The following ZBTB49 variants were observed in gnomAD, a reference collection of about 807,000 sequenced individuals.
The protein encoded by ZBTB49 is zinc finger and BTB domain-containing protein 49.
A neutral mutation model predicts 57.5 loss-of-function variants in ZBTB49; 43 were observed. The observed-to-expected ratio is 0.75, with a 90% CI of 0.59 to 0.97. The LOEUF (loss-of-function observed/expected upper bound fraction) is 0.97, where lower values mean the gene tolerates loss of function less well. Among genes scored for constraint, ZBTB49 ranks in the 50% least tolerant of loss-of-function variants. The pLI is 0.00. For synonymous variants in ZBTB49, 369 were observed against 362.1 expected, an observed-to-expected ratio of 1.02 and a Z score of -0.22; for missense variants, 938 against 947.7, an observed-to-expected ratio of 0.99 and a Z score of 0.13.
intron 7 of ZBTB49, among the ~76,000 whole-genome samples, chr4:4,317,014 C>T (rs1560116511): frequency 6.6e-6 from 1 of 152,198 alleles, no homozygotes; most frequent in Non-Finnish European, 1.5e-5. Flanking sequence ...TGGGTGACAG[C>T]GAGAGCTTCA....
At chr4:4,306,845 G>T (rs1303848288) in intron 4 of ZBTB49, among the ~76,000 whole-genome samples, 1 of 152,242 alleles carries the variant, frequency 6.6e-6, no homozygotes, top group Non-Finnish European at 1.5e-5. Context: ...TCCAGAGGTA[G>T]ATCAGATGGA....
intron 4 of ZBTB49, among the ~76,000 whole-genome samples, chr4:4,310,244 AC>A (rs763414346): frequency 1.2e-4 from 19 of 152,350 alleles, no homozygotes; most frequent in South Asian, 1.2e-3. Context: ...AAGTTCCTTT[AC>A]TGCTAATATC....
intron 4 of ZBTB49, among the ~76,000 whole-genome samples, chr4:4,310,753 T>C (rs928196487): frequency 1.3e-5 from 2 of 151,668 alleles, no homozygotes; most frequent in African/African-American, 4.8e-5. Context: ...TCTCCTGATC[T>C]CATGATCCAC....
Position 4,302,530 on chromosome 4 carries a change from AG to A in ZBTB49, c.695del (p.Ser232IlefsTer21). On this transcript the variant is annotated frameshift_variant, in exon 3 of 8. Transcript: ENST00000337872. LOFTEE classifies it high-confidence loss of function. ...KQYHKHAAGP[S>X]QERVVEQPFA... is the part of the protein sequence containing the mutation. Reference sequence around the variant, plus strand: ...GTACCATAAACACGCAGCTGGTCCCAGTCAGGAGAGAGTTGTTGAGCAGCCT... The same window carrying A: ...GTACCATAAACACGCAGCTGGTCCCATCAGGAGAGAGTTGTTGAGCAGCCT... 1 of 1,614,078 alleles carries A rather than the reference AG, an allele frequency of 6.2e-7. No individual in the cohort carries two copies. Among genetic ancestry groups the A allele is most frequent in the Non-Finnish European group, 8.5e-7 (1 of 1,179,950 alleles).
intron 7 of ZBTB49, among the ~76,000 whole-genome samples, chr4:4,316,345 G>A (rs1577248405): frequency 6.6e-6 from 1 of 152,166 alleles, no homozygotes; most frequent in South Asian, 2.1e-4. Context: ...TGGGATCAGA[G>A]GGTCGGCTTC....
At position 4,303,760 on chromosome 4, in the gene ZBTB49, C is replaced by CTCTGTGTGTGTG. The variant is rs1223289249; in HGVS notation, c.1255+670_1255+671insCTGTGTGTGTGT. Among the ~76,000 whole-genome samples, 171 of 121,394 alleles carry CTCTGTGTGTGTG rather than the reference C, an allele frequency of 1.4e-3. 1 individual carries two copies. The highest frequency in any genetic ancestry group is 2.9e-3 in the Admixed American group (35 of 12,072). The allele number at this position is 121,394 out of a possible 152,430, so 79.6% of individuals were successfully genotyped here. ...TCTCTCTCTCTCTCTCTCTCTCTCT[C>CTCTGTGTGTGTG]TGTGTGTGTGTCTCTCTCTCTCTCT... On this transcript the variant is annotated intron_variant, in intron 3 of 7. Transcript: ENST00000337872.
chr4:4,317,565 A>G (rs145824564), intron 7 of ZBTB49, among the ~76,000 whole-genome samples: 132 of 152,268 alleles, frequency 8.7e-4, no homozygotes, highest in East Asian at 7.1e-3. Context: ...TTTACTATGC[A>G]TGGACTCATA....
rs184115909 is a variant in ZBTB49 at position 4,306,351 on chromosome 4, C to T, written c.1302+167C>T. Among the ~76,000 whole-genome samples the T allele has an allele frequency of 4.1e-3, 630 of 152,304 alleles. 3 individuals carry two copies. Among genetic ancestry groups the T allele is most frequent in the South Asian group, 0.028 (137 of 4,830 alleles). On this transcript the variant is annotated intron_variant, in intron 4 of 7. Coordinates refer to ENST00000337872, the MANE Select transcript of ZBTB49 (RefSeq NM_145291.4). ...AAATCGTTTTCAAGAAAACAGATTT[C>T]TAGTTCTTTGAGAGAAAAATAGCAT...
At chr4:4,300,247 TTTG>T (rs1218134680) in intron 2 of ZBTB49, 150 bp downstream of exon 2, 12 of 887,570 alleles carry the variant, frequency 1.4e-5, no homozygotes, top group Non-Finnish European at 1.9e-5. Context: ...AATTTTTAAG[TTTG>T]TTAACCATTT....
At chr4:4,300,759 C>T (rs1018135961) in intron 2 of ZBTB49, among the ~76,000 whole-genome samples, 1 of 147,846 alleles carries the variant, frequency 6.8e-6, no homozygotes, top group Non-Finnish European at 1.5e-5. Flanking sequence ...CCAGCCTGAG[C>T]AACAGAGGGA....
rs551295648 is a variant in ZBTB49, at chr4:4,321,149, A to G, written c.2131A>G (p.Met711Val). 3.5e-5 allele frequency: 57 copies of G among 1,614,204 alleles called. No homozygotes were observed. The highest frequency in any genetic ancestry group is 4.3e-5 in the Non-Finnish European group (51 of 1,180,040). ...ACCACTGCAGGCCGATGGCATGGCCATGATCCGTTCCTCTCTGGCTGCTTT... is the reference window on the plus strand; with the variant it reads ...ACCACTGCAGGCCGATGGCATGGCCGTGATCCGTTCCTCTCTGGCTGCTTT... ...GEPLQADGMA[M>V]IRSSLAALDN... The change falls in exon 8 of 8, where the codon ATG becomes GTG. Residue 711 changes from methionine to valine, a missense_variant. Coordinates refer to ENST00000337872, the MANE Select transcript of ZBTB49 (RefSeq NM_145291.4).
intron 3 of ZBTB49, among the ~76,000 whole-genome samples, chr4:4,303,760 C>CTCTCTCTCTCTGTGTGTGTGTGTGTG (rs1223289249): frequency 1.6e-4 from 19 of 121,410 alleles, no homozygotes; most frequent in African/African-American, 6.3e-4. Context: ...CTCTCTCTCT[C>CTCTCTCTCTCTGTGTGTGTGTGTGTG]TGTGTGTGTG....
In ZBTB49 at chr4:4,321,634, T is replaced by C. The variant is rs1577252888; in HGVS notation, c.*318T>C. ...TCAACTACTGTACATGTTGGTCATG[T>C]GAAAGGAATTATATATGTATAGTAT... On this transcript the variant is annotated 3_prime_UTR_variant, in exon 8 of 8. Coordinates refer to ENST00000337872, the MANE Select transcript of ZBTB49 (RefSeq NM_145291.4). 1.3e-5 allele frequency: 5 copies of C among 377,170 alleles called. No homozygotes were observed. The East Asian group carries it at 1.8e-4, about 13-fold the overall frequency. 23.4% of individuals were successfully genotyped at this position (377,170 alleles called of 1,614,324 possible). A position where few individuals can be genotyped will look rare whatever the true frequency, so the allele number is the denominator to read the frequency against.
chr4:4,294,565 G>C (rs1471621197), intron 1 of ZBTB49, among the ~76,000 whole-genome samples: 1 of 152,104 alleles, frequency 6.6e-6, no homozygotes, highest in African/African-American at 2.4e-5. Flanking sequence ...GTGTTGGCTA[G>C]ACTGGTCTCG....
chr4:4,291,679 G>A (rs1719925851), intron 1 of ZBTB49, among the ~76,000 whole-genome samples: 1 of 152,172 alleles, frequency 6.6e-6, no homozygotes, highest in Non-Finnish European at 1.5e-5. Context: ...TTTGGTTGTT[G>A]TTGTTTGTTT....
intron 4 of ZBTB49, among the ~76,000 whole-genome samples, chr4:4,306,747 C>T (rs1427774564): frequency 1.3e-5 from 2 of 152,204 alleles, no homozygotes; most frequent in Admixed American, 1.3e-4. Flanking sequence ...ACCTAGAGAC[C>T]TAATGTTTTC....
At chr4:4,313,012 GGT>G (rs747285996) in intron 4 of ZBTB49, 27 bp from the exon 5 acceptor site, 22 of 1,611,446 alleles carry the variant, frequency 1.4e-5, no homozygotes, top group Admixed American at 5.0e-5. Context: ...TTTCATTATT[GGT>G]GTGTTTTTCT....
In ZBTB49 at chr4:4,321,079, T is replaced by G; in HGVS notation, c.2061T>G (p.Pro687=). ...AGCCCCAGATGCAGCAGACACAGCC[T>G]CAGGCCTATGCTTACTCGGATGTGG... ...LAKPQMQQTQ[P]QAYAYSDVDT... Residue 687 remains proline (P), a synonymous_variant, in exon 8 of 8, where the codon CCT becomes CCG. Coordinates refer to ENST00000337872, the MANE Select transcript of ZBTB49 (RefSeq NM_145291.4). 1 of 1,614,180 alleles carries G rather than the reference T, an allele frequency of 6.2e-7. No individual in the cohort carries two copies. The highest frequency in any genetic ancestry group is 8.5e-7 in the Non-Finnish European group (1 of 1,180,036).
Position 4,321,318 on chromosome 4 carries a change from G to A in ZBTB49, c.*2G>A. 1 of 1,607,886 alleles carries A rather than the reference G, an allele frequency of 6.2e-7. No individual in the cohort carries two copies. Among genetic ancestry groups the A allele is most frequent in the East Asian group, 2.2e-5 (1 of 44,880 alleles). On this transcript the variant is annotated 3_prime_UTR_variant, in exon 8 of 8. Transcript: ENST00000337872. Reference sequence around the variant, plus strand: ...AATGAAAACGAGTTAGACCAGTGATGTACCGCGCTTCTCCACGGTAGAGGC... The same window carrying A: ...AATGAAAACGAGTTAGACCAGTGATATACCGCGCTTCTCCACGGTAGAGGC...
Sources: allele counts gnomAD v4.1 joint callset (sites outside exome capture counted in the v4.1 genomes callset), GRCh38; gene constraint gnomAD v4.1.1; transcripts MANE v1.5; gene names NCBI Gene and HGNC (gene_info 2026-07-23, HGNC 2026-07-21).